Variants in JAG2 observed in about 807,000 individuals in gnomAD.
The protein encoded by JAG2 is protein jagged-2.
JAG2 carries 46 observed loss-of-function variants against 141.7 expected under a neutral mutation model. The ratio of observed to expected loss-of-function variants is 0.32; its 90% CI spans 0.26 to 0.42. The LOEUF (loss-of-function observed/expected upper bound fraction) is 0.42, where lower values mean the gene tolerates loss of function less well. JAG2 is among the 10% of genes least tolerant of loss of function. The pLI, the probability that JAG2 is intolerant of heterozygous loss-of-function variation, is 1.00. For missense variants in JAG2, 1,500 were observed against 1,817.5 expected (o/e 0.83, Z 3.18); for synonymous variants, 862 against 763.5 (o/e 1.13, Z -2.13).
intron 2 of JAG2, among the ~76,000 whole-genome samples, chr14:105,158,810 C>CG: frequency 6.6e-6 from 1 of 152,162 alleles, no homozygotes; most frequent in Non-Finnish European, 1.5e-5. Flanking sequence ...CTTCCCACCC[C>CG]GGGGGGATGC....
chr14:105,152,214 T>TC lies in JAG2; in HGVS notation c.865dup (p.Glu289GlyfsTer8). The TC allele has an allele frequency of 6.2e-7, 1 of 1,613,530 alleles. No homozygotes were observed. Among genetic ancestry groups the TC allele is most frequent in the Non-Finnish European group, 8.5e-7 (1 of 1,179,980 alleles). On this transcript the variant is annotated frameshift_variant, in exon 6 of 26. Coordinates refer to ENST00000331782, the MANE Select transcript of JAG2 (RefSeq NM_002226.5). LOFTEE classifies it high-confidence loss of function. ...GGTCTCACAGTTGCACTGCCAGGGC[T>TC]CCACACAACTGCCATGCACGCAGCC...
At chr14:105,147,278 G>T (rs369123344) in intron 20 of JAG2, 48 bp downstream of exon 20, 2 of 1,455,706 alleles carry the variant, frequency 1.4e-6, no homozygotes, top group African/African-American at 1.4e-5. Context: ...TCCTGACACC[G>T]CGGCTGGGCT....
rs1888087738 is a variant in JAG2, at chr14:105,142,560, A to C, written c.*135T>G. On this transcript the variant is annotated 3_prime_UTR_variant, in exon 26 of 26. Coordinates refer to ENST00000331782, the MANE Select transcript of JAG2 (RefSeq NM_002226.5). ...CAAGGTTAAAGAAACGTAGAAAATAAACATTTGGTTTTTGTTTTTGGTGGT... is the reference window on the plus strand; with the variant it reads ...CAAGGTTAAAGAAACGTAGAAAATACACATTTGGTTTTTGTTTTTGGTGGT... 1.6e-6 allele frequency: 1 copy of C among 644,010 alleles called. No homozygotes were observed. The allele number at this position is 644,010 out of a possible 1,614,324, so 39.9% of individuals were successfully genotyped here.
intron 22 of JAG2, 137 bp downstream of exon 22, chr14:105,146,248 C>A (rs1489324351): frequency 4.7e-6 from 4 of 854,078 alleles, no homozygotes; most frequent in Admixed American, 4.1e-5. Context: ...TGAGCTCTCG[C>A]CTCCCTGGGT....
intron 5 of JAG2, among the ~76,000 whole-genome samples, chr14:105,152,496 C>T (rs587648223): frequency 1.4e-3 from 212 of 152,320 alleles, no homozygotes; most frequent in African/African-American, 3.9e-3. Flanking sequence ...TGGCTGCCGA[C>T]GGTCAGCCCC....
rs370666714 is a variant in JAG2 at position 105,142,997 on chromosome 14, C to T, written c.3415G>A (p.Glu1139Lys). The change falls in exon 26 of 26, where the codon GAG becomes AAG. Residue 1139 changes from glutamate to lysine, a missense_variant. Physicochemically the swap from Glu to Lys is moderately conservative, Grantham distance 56. Around this residue, in one of 3 missense-constraint regions of JAG2, gnomAD observed 425 missense variants for 441.0 expected, o/e 0.96. Coordinates refer to ENST00000331782, the MANE Select transcript of JAG2 (RefSeq NM_002226.5). Reference sequence around the variant, plus strand: ...ACGTCCTTGTGGCCCCCCGGCCGCTCAATGGGGTTGCGGATGGGGTTGAGC... The same window carrying T: ...ACGTCCTTGTGGCCCCCCGGCCGCTTAATGGGGTTGCGGATGGGGTTGAGC... ...APLNPIRNPI[E>K]RPGGHKDVLY... 15 of 1,609,046 alleles carry T rather than the reference C, an allele frequency of 9.3e-6. No homozygotes were observed. Among genetic ancestry groups the T allele is most frequent in the African/African-American group, 1.3e-5 (1 of 74,900 alleles).
intron 12 of JAG2, among the ~76,000 whole-genome samples, chr14:105,149,790 G>C (rs1002991415): frequency 7.0e-6 from 1 of 141,872 alleles, no homozygotes; most frequent in Admixed American, 7.1e-5. Context: ...GTGGGCGGCC[G>C]AGGGTGGTAG....
chr14:105,154,525 G>A lies in JAG2; in HGVS notation c.788+1037C>T, dbSNP rs745339576. On this transcript the variant is annotated intron_variant, in intron 5 of 25. Transcript: ENST00000331782. This position sits in a 1 kb window ranked among gnomAD's most constrained non-coding sequence, Gnocchi z 4.4. ...CCCTGGCTGGATCCCCCACACTCTGGTCTGGGTCCAGAGGCCTCCACCATC... is the reference window on the plus strand; with the variant it reads ...CCCTGGCTGGATCCCCCACACTCTGATCTGGGTCCAGAGGCCTCCACCATC... Among the ~76,000 whole-genome samples the A allele has an allele frequency of 1.3e-5, 2 of 152,148 alleles. No individual in the cohort carries two copies. The highest frequency in any genetic ancestry group is 2.9e-5 in the Non-Finnish European group (2 of 68,020).
intron 14 of JAG2, 31 bp downstream of exon 14, chr14:105,148,906 C>T: frequency 6.3e-7 from 1 of 1,596,200 alleles, no homozygotes. Flanking sequence ...AGCCCAGCCC[C>T]ACCACCAGCC....
chr14:105,163,156 G>A (rs919709174), intron 2 of JAG2, among the ~76,000 whole-genome samples: 3 of 152,222 alleles, frequency 2.0e-5, no homozygotes, highest in African/African-American at 7.2e-5. Flanking sequence ...ACAGCGCTTG[G>A]TGCAGGCGCC....
Position 105,148,106 on chromosome 14 carries a change from G to A in JAG2, c.2248+10C>T. 1.3e-6 allele frequency: 2 copies of A among 1,541,288 alleles called. No individual in the cohort carries two copies. The highest frequency in any genetic ancestry group is 1.2e-5 in the South Asian group (1 of 83,766). On this transcript the variant is annotated intron_variant, in intron 17 of 25. Coordinates refer to ENST00000331782, the MANE Select transcript of JAG2 (RefSeq NM_002226.5). ...GCCCGGCGGTCGCAGAGGCAGCGGG[G>A]GCTCCTCACCGACGGCGCAGGTGCT...
Position 105,168,341 on chromosome 14 carries a change from G to T in JAG2, c.66+14C>A. Reference sequence around the variant, plus strand: ...CCCGTCCGCGACCCCCGCCGCCCCCGCCGCCCCGCTCACCTGCACCCAGAG... The same window carrying T: ...CCCGTCCGCGACCCCCGCCGCCCCCTCCGCCCCGCTCACCTGCACCCAGAG... On this transcript the variant is annotated intron_variant, in intron 1 of 25. Transcript: ENST00000331782. 2 of 301,584 alleles carry T rather than the reference G, an allele frequency of 6.6e-6. No homozygotes were observed. The highest frequency in any genetic ancestry group is 5.1e-6 in the Non-Finnish European group (1 of 196,324). The allele number at this position is 301,584 out of a possible 1,614,324, so 18.7% of individuals were successfully genotyped here.
chr14:105,156,405 C>T (rs959258575), intron 3 of JAG2, among the ~76,000 whole-genome samples: 4 of 152,194 alleles, frequency 2.6e-5, no homozygotes, highest in Non-Finnish European at 5.9e-5. Context: ...CTCGACAGCA[C>T]GGACATGGTG....
chr14:105,145,008 C>T lies in JAG2; in HGVS notation c.3006G>A (p.Arg1002=). ...CSGIRSLPAT[R]AVARDRLLVL... ...CCAGCAGGCGGTCCCGTGCCACAGC[C>T]CTTGTGGCTGGCAGGGAGCGGATCC... Residue 1002 remains arginine (R), a synonymous_variant, in exon 24 of 26, where the codon AGG becomes AGA. Coordinates refer to ENST00000331782, the MANE Select transcript of JAG2 (RefSeq NM_002226.5). The T allele has an allele frequency of 6.2e-7, 1 of 1,610,210 alleles. No homozygotes were observed.
At position 105,155,877 on chromosome 14, in the gene JAG2, C is replaced by T. The variant is rs754515651; in HGVS notation, c.588G>A (p.Val196=). 3 of 1,612,286 alleles carry T rather than the reference C, an allele frequency of 1.9e-6. No individual in the cohort carries two copies. Among genetic ancestry groups the T allele is most frequent in the South Asian group, 1.1e-5 (1 of 90,986 alleles). Residue 196 remains valine, a synonymous_variant, in exon 4 of 26, where the codon GTG becomes GTA. Coordinates refer to ENST00000331782, the MANE Select transcript of JAG2 (RefSeq NM_002226.5). ...CGCTGTAGTAGTTCTCGTCGCAGCG[C>T]ACGCGGATCTGCAGCTCCAGGTGCG... ...HVAHLELQIR[V]RCDENYYSAT... is the part of the protein sequence containing the mutation.
At chr14:105,147,219 T>C in intron 20 of JAG2, 107 bp downstream of exon 20, 1 of 841,520 alleles carries the variant, frequency 1.2e-6, no homozygotes, top group South Asian at 1.4e-5. Context: ...CAGGAAGTAG[T>C]TGTGGCCACA....
At chr14:105,166,222 G>A (rs1363269622) in intron 2 of JAG2, among the ~76,000 whole-genome samples, 4 of 152,360 alleles carry the variant, frequency 2.6e-5, no homozygotes, top group Middle Eastern at 3.4e-3. Context: ...CGGCTGGCCC[G>A]CGGGGCGAAG....
chr14:105,142,784 C>A lies in JAG2; in HGVS notation c.3628G>T (p.Gly1210Trp). 6.2e-7 allele frequency: 1 copy of A among 1,611,010 alleles called. No homozygotes were observed. Residue 1210 changes from glycine to tryptophan, a missense_variant, in exon 26 of 26, where the codon GGG becomes TGG. Gly to Trp is a radical substitution (Grantham distance 184). Transcript: ENST00000331782. ...KFTKDPGRSP[G>W]RPAHWASGPK... ...CCTGAGGCCCAGTGGGCCGGCCTCC[C>A]CGGCGAGCGGCCAGGATCTTTGGTG... is the stretch of plus-strand genomic sequence containing the variant.
At chr14:105,160,784 A>G (rs587684060) in intron 2 of JAG2, among the ~76,000 whole-genome samples, 115 of 151,352 alleles carry the variant, frequency 7.6e-4, no homozygotes, top group Middle Eastern at 3.4e-3. Flanking sequence ...AATCACCTGA[A>G]CCCAGGAGGC....
Sources: gnomAD v4.1 joint callset for allele counts (sites outside exome capture counted in the v4.1 genomes callset) on GRCh38, gnomAD v4.1.1 for gene constraint, gnomAD v4.1.1 regional missense constraint, Gnocchi (gnomAD v3.1) non-coding constraint, MANE v1.5 for transcripts, NCBI Gene and HGNC (gene_info 2026-07-23, HGNC 2026-07-21) for gene names.